DYNC1I1: variants seen among roughly 807,000 people sequenced by gnomAD.
DYNC1I1 encodes the protein dynein cytoplasmic 1 intermediate chain 1, also known as cytoplasmic dynein 1 intermediate chain 1.
A neutral mutation model predicts 86.6 loss-of-function variants in DYNC1I1; 43 were observed. The observed-to-expected ratio is 0.50, with a 90% CI of 0.39 to 0.64. The LOEUF is 0.64. Ranked by LOEUF, DYNC1I1 falls within the 30% of genes least tolerant of loss-of-function variation. DYNC1I1 has a pLI of 0.00. For synonymous variants in DYNC1I1, 262 were observed against 283.7 expected (o/e 0.92, Z 0.77); for missense variants, 604 against 788.8 (o/e 0.77, Z 2.81).
chr7:95,970,413 T>G (rs992717599), intron 6 of DYNC1I1, among the ~76,000 whole-genome samples: 1 of 152,120 alleles, frequency 6.6e-6, no homozygotes, highest in Admixed American at 6.6e-5. Flanking sequence ...CAGGGTAGAT[T>G]GACAGCAGTG....
intron 6 of DYNC1I1, among the ~76,000 whole-genome samples, chr7:95,881,337 C>T (rs1790449552): frequency 6.6e-6 from 1 of 151,114 alleles, no homozygotes; most frequent in African/African-American, 2.4e-5. Context: ...AGCCAGGAAG[C>T]TTGCTATACT....
At chr7:96,045,646 T>G (rs1182052274) in intron 14 of DYNC1I1, among the ~76,000 whole-genome samples, 1 of 151,990 alleles carries the variant, frequency 6.6e-6, no homozygotes, top group African/African-American at 2.4e-5. Context: ...AGCTTCTACA[T>G]GAGGAAATGG....
At chr7:95,894,187 A>G (rs1005885078) in intron 6 of DYNC1I1, among the ~76,000 whole-genome samples, 5 of 151,986 alleles carry the variant, frequency 3.3e-5, no homozygotes, top group Middle Eastern at 3.4e-3. Flanking sequence ...ATAATGAGAC[A>G]CCATAAACTG....
At chr7:95,989,712 C>G (rs565411604) in intron 9 of DYNC1I1, among the ~76,000 whole-genome samples, 1 of 152,310 alleles carries the variant, frequency 6.6e-6, no homozygotes, top group South Asian at 2.1e-4. Context: ...AACAGAAACT[C>G]TACCATGGAG....
intron 8 of DYNC1I1, 111 bp from the exon 9 acceptor site, chr7:95,986,945 A>C: frequency 1.2e-6 from 1 of 863,852 alleles, no homozygotes; most frequent in South Asian, 1.5e-5. Flanking sequence ...CTAGATTAAC[A>C]TTTTGGCCTC....
intron 6 of DYNC1I1, among the ~76,000 whole-genome samples, chr7:95,958,820 A>C (rs941282620): frequency 3.9e-5 from 6 of 152,188 alleles, no homozygotes; most frequent in Non-Finnish European, 7.3e-5. Flanking sequence ...TTGTCTGTTA[A>C]TTCCATGTGC....
At chr7:95,889,666 A>G (rs1419443307) in intron 6 of DYNC1I1, among the ~76,000 whole-genome samples, 1 of 152,206 alleles carries the variant, frequency 6.6e-6, no homozygotes, top group Non-Finnish European at 1.5e-5. Flanking sequence ...CTACAGAATG[A>G]GAGAAAATAT....
At chr7:95,869,083 T>A (rs953698944) in intron 5 of DYNC1I1, among the ~76,000 whole-genome samples, 14 of 152,208 alleles carry the variant, frequency 9.2e-5, no homozygotes, top group African/African-American at 3.4e-4. Context: ...TGTATATACT[T>A]GGGCACATCT....
At chr7:96,046,560 A>T (rs1425428103) in intron 14 of DYNC1I1, among the ~76,000 whole-genome samples, 2 of 152,236 alleles carry the variant, frequency 1.3e-5, no homozygotes, top group Non-Finnish European at 2.9e-5. Context: ...ACTGGGATTC[A>T]AATTCAGATT....
chr7:95,949,582 A>G (rs1271362587), intron 6 of DYNC1I1, among the ~76,000 whole-genome samples: 1 of 152,190 alleles, frequency 6.6e-6, no homozygotes, highest in East Asian at 1.9e-4. Context: ...GAAAAAGTAA[A>G]TCCTGAGGGA....
Position 96,032,780 on chromosome 7 carries a change from G to A in DYNC1I1, c.1230G>A (p.Gln410=). 1 of 1,611,986 alleles carries A rather than the reference G, an allele frequency of 6.2e-7. No individual in the cohort carries two copies. Among genetic ancestry groups the A allele is most frequent in the Non-Finnish European group, 8.5e-7 (1 of 1,178,626 alleles). The part of the protein sequence containing the change: ...SWSLDMLSTP[Q]ESMELVYNKS... ...GCCTGGACATGCTCTCAACTCCACA[G>A]GTGGGTTTGTTTTTCCCTACACATA... Residue 410 remains glutamine (Q), a splice_region_variant and synonymous_variant, in exon 12 of 17, where the codon CAG becomes CAA. Coordinates refer to ENST00000447467, the MANE Select transcript of DYNC1I1 (RefSeq NM_001135556.2).
At chr7:95,834,470 A>G (rs1167275593) in intron 5 of DYNC1I1, among the ~76,000 whole-genome samples, 11 of 105,514 alleles carry the variant, frequency 1.0e-4, no homozygotes, top group African/African-American at 4.7e-4. Context: ...TGGTATCAGA[A>G]TGATGCTGGC....
Position 95,815,118 on chromosome 7 carries a change from TGAG to T in DYNC1I1, c.314+1785_314+1787del, listed in dbSNP as rs530430968. ...TCAATTCTATTACTGACTTCACAGT[TGAG>T]GAGCCCTTTGGAAAACTTTCTAAAG... On this transcript the variant is annotated intron_variant, in intron 4 of 16. Transcript: ENST00000447467. Among the ~76,000 whole-genome samples, 408 of 152,286 alleles carry T rather than the reference TGAG, an allele frequency of 2.7e-3. 1 individual carries two copies. The highest frequency in any genetic ancestry group is 9.3e-3 in the African/African-American group (387 of 41,568).
chr7:95,868,203 C>T (rs1054948905), intron 5 of DYNC1I1, among the ~76,000 whole-genome samples: 5 of 152,222 alleles, frequency 3.3e-5, no homozygotes, highest in African/African-American at 7.2e-5. Flanking sequence ...GCTCCAGTCA[C>T]GGTCACTTAG....
chr7:96,039,174 T>G, intron 13 of DYNC1I1, 103 bp from the exon 14 acceptor site: 1 of 1,308,670 alleles, frequency 7.6e-7, no homozygotes, highest in Non-Finnish European at 1.0e-6. Context: ...TGTTCTAAAT[T>G]ATGGAGATGC....
At chr7:95,843,435 G>A (rs1024129426) in intron 5 of DYNC1I1, among the ~76,000 whole-genome samples, 1 of 152,170 alleles carries the variant, frequency 6.6e-6, no homozygotes, top group Non-Finnish European at 1.5e-5. Flanking sequence ...TCTCAATGCT[G>A]TAACTTGGGG....
intron 16 of DYNC1I1, among the ~76,000 whole-genome samples, chr7:96,093,764 GT>G (rs367647086): frequency 2.7e-4 from 40 of 145,982 alleles, no homozygotes; most frequent in African/African-American, 4.0e-4. Context: ...AATTTTTGAA[GT>G]TTTTTTTTTT....
At chr7:95,899,286 C>G (rs545239289) in intron 6 of DYNC1I1, among the ~76,000 whole-genome samples, 8 of 152,270 alleles carry the variant, frequency 5.3e-5, no homozygotes, top group Admixed American at 3.9e-4. Flanking sequence ...TAATCTTGCT[C>G]TGCATAAGGA....
intron 16 of DYNC1I1, among the ~76,000 whole-genome samples, chr7:96,087,380 C>T (rs1296209637): frequency 6.6e-6 from 1 of 152,180 alleles, no homozygotes; most frequent in African/African-American, 2.4e-5. Context: ...AACCTGATTG[C>T]ATGGCTCGGT....
Sources: allele counts gnomAD v4.1 joint callset (sites outside exome capture counted in the v4.1 genomes callset), GRCh38; gene constraint gnomAD v4.1.1; transcripts MANE v1.5; gene names NCBI Gene and HGNC (gene_info 2026-07-23, HGNC 2026-07-21).